Variants in TAFA1 observed in about 807,000 individuals in gnomAD.
TAFA1 encodes the protein chemokine-like protein TAFA-1.
A neutral mutation model predicts 18.5 loss-of-function variants in TAFA1; 4 were observed. The ratio of observed to expected loss-of-function variants is 0.22; its 90% CI spans 0.11 to 0.49. The LOEUF (loss-of-function observed/expected upper bound fraction) is 0.49, where lower values mean the gene tolerates loss of function less well. TAFA1 is among the 20% of genes least tolerant of loss of function. The probability of loss-of-function intolerance (pLI) is 0.98; values close to 1 mark genes in which losing one functional copy is unlikely to be tolerated. For missense variants in TAFA1, 147 were observed against 169.0 expected (o/e 0.87, Z 0.72); for synonymous variants, 56 against 55.2 (o/e 1.01, Z -0.06).
rs1372999767 is a variant in TAFA1 at position 68,102,848 on chromosome 3, T to TA, written c.118+96105dup. ...CTTAAGGGTCCAGCTCTGGCTTTCT[T>TA]ATGGTTGTGCTCCTATGAACTAAGA... is the stretch of plus-strand genomic sequence containing the variant. On this transcript the variant is annotated intron_variant, in intron 2 of 4. Transcript: ENST00000478136. 2.0e-5 allele frequency among the ~76,000 whole-genome samples: 3 copies of TA among 152,276 alleles called. No individual in the cohort carries two copies. The East Asian group carries it at 5.8e-4, about 29-fold the overall frequency.
intron 2 of TAFA1, among the ~76,000 whole-genome samples, chr3:68,289,566 C>CTG (rs1285493089): frequency 8.2e-6 from 1 of 121,684 alleles, no homozygotes; most frequent in Non-Finnish European, 1.8e-5. Context: ...TTCTTCTCTG[C>CTG]TTTGTGGACC....
rs970865206 is a variant in TAFA1 at position 68,265,065 on chromosome 3, C to T, written c.119-152215C>T. Among the ~76,000 whole-genome samples the T allele has an allele frequency of 3.3e-5, 5 of 152,124 alleles. 1 individual carries two copies. Among genetic ancestry groups the T allele is most frequent in the Non-Finnish European group, 5.9e-5 (4 of 68,016 alleles). On this transcript the variant is annotated intron_variant, in intron 2 of 4. Coordinates refer to ENST00000478136, the MANE Select transcript of TAFA1 (RefSeq NM_213609.4). ...ATTTAAAAACTCATATACAATTTTG[C>T]TGGCAAAGCAAGATATGTGTTCAAT... is the stretch of plus-strand genomic sequence containing the variant.
chr3:68,291,613 A>G (rs567912983), intron 2 of TAFA1, among the ~76,000 whole-genome samples: 3 of 151,894 alleles, frequency 2.0e-5, no homozygotes, highest in Non-Finnish European at 4.4e-5. Flanking sequence ...CATTGTATAA[A>G]AAAGGGAGCG....
At chr3:68,388,726 A>T (rs1181445601) in intron 2 of TAFA1, among the ~76,000 whole-genome samples, 3 of 152,146 alleles carry the variant, frequency 2.0e-5, no homozygotes, top group Non-Finnish European at 2.9e-5. Flanking sequence ...AATCATTCTT[A>T]AAAAAGACAT....
At chr3:67,997,595 ATAAT>A in the TAFA1 span, among the ~76,000 whole-genome samples, 2 of 152,230 alleles carry the variant, frequency 1.3e-5, no homozygotes, top group East Asian at 3.8e-4. Flanking sequence ...ACAAAAGAGA[ATAAT>A]CAGCTATATT....
chr3:68,161,145 A>G (rs2065921055), intron 2 of TAFA1, among the ~76,000 whole-genome samples: 1 of 152,210 alleles, frequency 6.6e-6, no homozygotes, highest in African/African-American at 2.4e-5. Flanking sequence ...AGCTACAAAA[A>G]CAATGTTTAC....
intron 3 of TAFA1, among the ~76,000 whole-genome samples, chr3:68,512,140 A>G (rs1056127446): frequency 6.6e-6 from 1 of 152,102 alleles, no homozygotes; most frequent in African/African-American, 2.4e-5. Flanking sequence ...TAACCACTTC[A>G]CTTGCTTAAA....
At chr3:68,264,374 C>T (rs569018748) in intron 2 of TAFA1, among the ~76,000 whole-genome samples, 1 of 152,292 alleles carries the variant, frequency 6.6e-6, no homozygotes, top group South Asian at 2.1e-4. Flanking sequence ...TGGGAACTGT[C>T]AACATACATC....
chr3:68,498,721 G>GTTTTTTTTTTTTTTTTTTTTT (rs1559694779), intron 3 of TAFA1, among the ~76,000 whole-genome samples: 4 of 101,722 alleles, frequency 3.9e-5, no homozygotes, highest in Non-Finnish European at 5.4e-5. Flanking sequence ...CCGTTTGGTG[G>GTTTTTTTTTTTTTTTTTTTTT]CTTTTTTTTT....
intron 2 of TAFA1, among the ~76,000 whole-genome samples, chr3:68,206,875 C>G (rs1386764897): frequency 6.6e-6 from 1 of 151,858 alleles, no homozygotes; most frequent in South Asian, 2.1e-4. Context: ...ATTGGCTAGA[C>G]CTAGTCACAT....
intron 2 of TAFA1, among the ~76,000 whole-genome samples, chr3:68,326,571 T>C (rs1008672785): frequency 2.8e-4 from 42 of 152,346 alleles, no homozygotes; most frequent in African/African-American, 9.6e-4. Flanking sequence ...CCATGCTGTC[T>C]GTTAGCCATT....
chr3:68,160,393 G>T (rs768535025), intron 2 of TAFA1, among the ~76,000 whole-genome samples: 1 of 152,138 alleles, frequency 6.6e-6, no homozygotes, highest in South Asian at 2.1e-4. Context: ...TGCAGAATCC[G>T]GCAGTGACTG....
intron 2 of TAFA1, among the ~76,000 whole-genome samples, chr3:68,231,454 G>A (rs902250706): frequency 5.1e-5 from 7 of 138,378 alleles, no homozygotes; most frequent in East Asian, 2.2e-4. Context: ...TCCGCTTCCC[G>A]GGTTCACGCC....
At chr3:68,067,547 T>C (rs2064695954) in intron 2 of TAFA1, among the ~76,000 whole-genome samples, 1 of 152,188 alleles carries the variant, frequency 6.6e-6, no homozygotes, top group Non-Finnish European at 1.5e-5. Flanking sequence ...GGAACTAGCA[T>C]GCTCCTGCAC....
intron 2 of TAFA1, among the ~76,000 whole-genome samples, chr3:68,387,444 TG>T (rs1326267907): frequency 3.3e-5 from 5 of 152,156 alleles, no homozygotes; most frequent in Non-Finnish European, 7.4e-5. Flanking sequence ...CATTAAATAG[TG>T]CCACTCAGGC....
intron 3 of TAFA1, among the ~76,000 whole-genome samples, chr3:68,487,770 T>A (rs1483770154): frequency 8.4e-5 from 11 of 131,380 alleles, no homozygotes; most frequent in Non-Finnish European, 1.6e-4. Flanking sequence ...AAAAAAAAAA[T>A]TCTGTGAGTG....
chr3:68,021,742 G>T (rs767040072), intron 2 of TAFA1, among the ~76,000 whole-genome samples: 1 of 152,178 alleles, frequency 6.6e-6, no homozygotes, highest in African/African-American at 2.4e-5. Context: ...AGTATCTTAT[G>T]ATTTAAGACT....
At chr3:68,104,626 C>A (rs368632974) in intron 2 of TAFA1, among the ~76,000 whole-genome samples, 1 of 151,946 alleles carries the variant, frequency 6.6e-6, no homozygotes, top group Non-Finnish European at 1.5e-5. Flanking sequence ...AGCCTAGAAG[C>A]CAACTCTGGC....
At chr3:68,180,060 C>G (rs2066178057) in intron 2 of TAFA1, among the ~76,000 whole-genome samples, 1 of 114,840 alleles carries the variant, frequency 8.7e-6, no homozygotes, top group Admixed American at 8.5e-5. Flanking sequence ...GGGAGTCTTA[C>G]TCTGTCACCC....
Sources: allele counts gnomAD v4.1 joint callset (sites outside exome capture counted in the v4.1 genomes callset), GRCh38; gene constraint gnomAD v4.1.1; transcripts MANE v1.5; gene names NCBI Gene and HGNC (gene_info 2026-07-23, HGNC 2026-07-21).